Variants in SLC75A1 observed in about 807,000 individuals in gnomAD.
SLC75A1 encodes the protein solute carrier family 75 member 1, also known as major facilitator superfamily domain containing 10.
chr4:2,931,167 A>G, the SLC75A1 span: 1 of 1,558,088 alleles, frequency 6.4e-7, no homozygotes, highest in Non-Finnish European at 8.7e-7. Context: ...GAAGAGGCAC[A>G]GTCAGGCACC....
At chr4:2,931,375 C>T in the SLC75A1 span, 1 of 1,549,134 alleles carries the variant, frequency 6.5e-7, no homozygotes. Flanking sequence ...GGCCACTCAC[C>T]AAAGGAGTAG....
chr4:2,934,169 G>C, the SLC75A1 span: 1 of 573,158 alleles, frequency 1.7e-6, no homozygotes, highest in East Asian at 2.9e-5. Flanking sequence ...CAAAGGCAAC[G>C]GTCCTGAGAG....
chr4:2,931,617 T>C, the SLC75A1 span: 2 of 1,613,438 alleles, frequency 1.2e-6, no homozygotes, highest in Non-Finnish European at 1.7e-6. Flanking sequence ...CCCTGGATGG[T>C]GGCCATGGTG....
the SLC75A1 span, chr4:2,933,703 G>A: frequency 6.2e-7 from 1 of 1,607,312 alleles, no homozygotes; most frequent in East Asian, 2.2e-5. Flanking sequence ...GGGGAGGTCT[G>A]ATGGGCCTGG....
the SLC75A1 span, chr4:2,933,068 G>A: frequency 6.3e-7 from 1 of 1,591,634 alleles, no homozygotes; most frequent in Non-Finnish European, 8.6e-7. Context: ...CTGGGTGGGA[G>A]GAGGCTTCCC....
chr4:2,931,982 G>A, the SLC75A1 span: 3 of 1,602,550 alleles, frequency 1.9e-6, no homozygotes, highest in East Asian at 2.2e-5. Flanking sequence ...CAGCAGGGAA[G>A]GGCGCCGCCC....
chr4:2,934,129 A>T, the SLC75A1 span: 2 of 616,222 alleles, frequency 3.2e-6, no homozygotes, highest in Non-Finnish European at 5.7e-6. Context: ...CAGGAAACGC[A>T]GGCTTCGGGG....
chr4:2,934,009 C>CA, the SLC75A1 span: 2 of 1,402,602 alleles, frequency 1.4e-6, no homozygotes, highest in South Asian at 1.3e-5. Context: ...GGCATACCCC[C>CA]ACACCCGACA....
chr4:2,931,482 C>G, the SLC75A1 span: 1 of 1,581,726 alleles, frequency 6.3e-7, no homozygotes, highest in Non-Finnish European at 8.6e-7. Flanking sequence ...GTGGGCACGG[C>G]AGCCTCAGCA....
At chr4:2,932,700 A>G in the SLC75A1 span, 2 of 1,606,332 alleles carry the variant, frequency 1.2e-6, no homozygotes, top group Non-Finnish European at 1.7e-6. Context: ...CCTGGAGGCC[A>G]GGAAGGCCGC....
At chr4:2,932,352 C>T in the SLC75A1 span, 9 of 1,612,228 alleles carry the variant, frequency 5.6e-6, no homozygotes, top group Admixed American at 3.3e-5. Context: ...CAGCCCTACC[C>T]GTTTCTCCAG....
chr4:2,931,210 G>A, the SLC75A1 span: 142 of 1,561,422 alleles, frequency 9.1e-5, no homozygotes, highest in Middle Eastern at 1.7e-4. Flanking sequence ...GGCTTCGGCC[G>A]AGGGAAGGGG....
At chr4:2,932,851 A>G in the SLC75A1 span, 1 of 1,445,518 alleles carries the variant, frequency 6.9e-7, no homozygotes, top group African/African-American at 1.4e-5. Flanking sequence ...ACACCCCTCA[A>G]CCCTGCCCTA....
chr4:2,931,752 G>GAT, the SLC75A1 span: 108 of 1,541,218 alleles, frequency 7.0e-5, no homozygotes, highest in Non-Finnish European at 9.0e-5. Context: ...GCTTCCTGGG[G>GAT]ATGGGGGTTG....
At chr4:2,933,135 CCAAG>C in the SLC75A1 span, 2 of 1,613,674 alleles carry the variant, frequency 1.2e-6, no homozygotes, top group African/African-American at 1.3e-5. Flanking sequence ...GGGCGCCTCC[CCAAG>C]CAGTCAGAGG....
chr4:2,932,751 A>T, the SLC75A1 span: 1 of 1,565,226 alleles, frequency 6.4e-7, no homozygotes, highest in South Asian at 1.2e-5. Flanking sequence ...TGAGGTGGCC[A>T]CACCCATCTG....
chr4:2,932,083 G>C, the SLC75A1 span: 1 of 1,611,166 alleles, frequency 6.2e-7, no homozygotes, highest in Non-Finnish European at 8.5e-7. Flanking sequence ...AGCGACAGCC[G>C]AGAAGCGCAG....
At chr4:2,931,209 C>A in the SLC75A1 span, 2 of 1,561,080 alleles carry the variant, frequency 1.3e-6, no homozygotes, top group African/African-American at 1.4e-5. Context: ...TGGCTTCGGC[C>A]GAGGGAAGGG....
At chr4:2,931,420 G>A in the SLC75A1 span, 5 of 1,553,896 alleles carry the variant, frequency 3.2e-6, no homozygotes, top group South Asian at 2.4e-5. Context: ...GGCAGAGAAC[G>A]TCCCCAGCCG....
Sources: gnomAD v4.1 joint callset for allele counts on GRCh38, gnomAD v4.1.1 for gene constraint, MANE v1.5 for transcripts, NCBI Gene and HGNC (gene_info 2026-07-23, HGNC 2026-07-21) for gene names.